SHROOM3: variants seen among roughly 807,000 people sequenced by gnomAD.
The protein encoded by SHROOM3 is shroom family member 3.
SHROOM3 carries 47 observed loss-of-function variants against 138.6 expected under a neutral mutation model. That is an observed-to-expected ratio of 0.34 (90% CI 0.27 to 0.43). The LOEUF (loss-of-function observed/expected upper bound fraction) is 0.43. SHROOM3 is among the 20% of genes least tolerant of loss of function. The pLI is 1.00. For synonymous variants in SHROOM3, 1,062 were observed against 1,063.3 expected (o/e 1.00, Z 0.02); for missense variants, 2,491 against 2,596.5 (o/e 0.96, Z 0.88).
chr4:76,689,436 G>A lies in SHROOM3; in HGVS notation c.324-20720G>A, dbSNP rs373112903. On this transcript the variant is annotated intron_variant, in intron 2 of 10. Coordinates refer to ENST00000296043, the MANE Select transcript of SHROOM3 (RefSeq NM_020859.4). Reference sequence around the variant, plus strand: ...TGGACTGAGCGGGCCCGGGCGGGACGAGAGGTGGGCGAGCGCCCCGCACCC... The same window carrying A: ...TGGACTGAGCGGGCCCGGGCGGGACAAGAGGTGGGCGAGCGCCCCGCACCC... The A allele has an allele frequency of 3.5e-5, 28 of 806,466 alleles. No individual in the cohort carries two copies. In the East Asian group the frequency reaches 1.3e-3, roughly 38 times the overall value. 50.0% of individuals were successfully genotyped at this position (806,466 alleles called of 1,614,324 possible).
At chr4:76,469,611 CA>C (rs1356490787) in intron 1 of SHROOM3, among the ~76,000 whole-genome samples, 1 of 152,146 alleles carries the variant, frequency 6.6e-6, no homozygotes, top group African/African-American at 2.4e-5. Context: ...TGCATGCTGC[CA>C]CACCCAGCTA....
At chr4:76,640,635 T>C (rs1735640548) in intron 2 of SHROOM3, among the ~76,000 whole-genome samples, 1 of 152,256 alleles carries the variant, frequency 6.6e-6, no homozygotes, top group South Asian at 2.1e-4. Context: ...GGGTACATCC[T>C]TTCCAGCTAT....
intron 3 of SHROOM3, among the ~76,000 whole-genome samples, chr4:76,718,292 A>G (rs1205516821): frequency 6.6e-6 from 1 of 152,186 alleles, no homozygotes; most frequent in Non-Finnish European, 1.5e-5. Context: ...CCAAAGTGTC[A>G]GCTTCTGTTT....
At chr4:76,579,206 C>T (rs1472681261) in intron 2 of SHROOM3, among the ~76,000 whole-genome samples, 4 of 151,758 alleles carry the variant, frequency 2.6e-5, no homozygotes, top group Admixed American at 6.6e-5. Flanking sequence ...TGGTGGCTCA[C>T]GCCTGTAATC....
intron 9 of SHROOM3, among the ~76,000 whole-genome samples, chr4:76,767,879 A>G (rs1426126841): frequency 6.6e-6 from 1 of 152,186 alleles, no homozygotes; most frequent in East Asian, 1.9e-4. Flanking sequence ...TCTTTCCACT[A>G]TTTGGTTTTT....
chr4:76,524,336 C>T (rs745790762), intron 1 of SHROOM3, among the ~76,000 whole-genome samples: 5 of 152,060 alleles, frequency 3.3e-5, no homozygotes, highest in Admixed American at 3.3e-4. Flanking sequence ...AGAGGGGAGG[C>T]GTAGGCCTCA....
At chr4:76,560,183 A>G (rs192600493) in intron 2 of SHROOM3, among the ~76,000 whole-genome samples, 4 of 152,338 alleles carry the variant, frequency 2.6e-5, no homozygotes, top group Admixed American at 2.6e-4. Context: ...AGATACGTGT[A>G]AAATAGTTGT....
At chr4:76,527,070 ACT>A (rs1732705809) in intron 1 of SHROOM3, among the ~76,000 whole-genome samples, 1 of 151,142 alleles carries the variant, frequency 6.6e-6, no homozygotes, top group Non-Finnish European at 1.5e-5. Flanking sequence ...TTTCTTTCAC[ACT>A]CTCCCTTTCT....
At chr4:76,549,515 C>T (rs566187558) in intron 1 of SHROOM3, among the ~76,000 whole-genome samples, 7 of 152,132 alleles carry the variant, frequency 4.6e-5, no homozygotes, top group South Asian at 2.1e-4. Flanking sequence ...ATTACAGGTG[C>T]GTGCCACCAT....
intron 9 of SHROOM3, among the ~76,000 whole-genome samples, chr4:76,761,755 G>A (rs529492889): frequency 4.7e-4 from 71 of 152,312 alleles, no homozygotes; most frequent in Non-Finnish European, 9.8e-4. Flanking sequence ...CTTGAGGACT[G>A]AGGAGTTTCG....
At chr4:76,601,566 G>A (rs944544417) in intron 2 of SHROOM3, among the ~76,000 whole-genome samples, 2 of 152,044 alleles carry the variant, frequency 1.3e-5, no homozygotes, top group South Asian at 2.1e-4. Flanking sequence ...GTGCAGTGGC[G>A]TGATCTCAGC....
intron 2 of SHROOM3, among the ~76,000 whole-genome samples, chr4:76,606,171 G>A (rs1419640721): frequency 1.3e-5 from 2 of 149,376 alleles, no homozygotes; most frequent in African/African-American, 4.9e-5. Context: ...CTGCCACCAC[G>A]CCTAGCTAAT....
intron 2 of SHROOM3, among the ~76,000 whole-genome samples, chr4:76,687,207 C>T (rs1237898721): frequency 6.6e-6 from 1 of 152,186 alleles, no homozygotes; most frequent in Non-Finnish European, 1.5e-5. Context: ...TGGCCATGCA[C>T]ACCCTTTCTA....
intron 1 of SHROOM3, among the ~76,000 whole-genome samples, chr4:76,506,186 G>A (rs1732207376): frequency 6.6e-6 from 1 of 151,682 alleles, no homozygotes; most frequent in Admixed American, 6.6e-5. Flanking sequence ...AGAACACATG[G>A]ACACGGGTTG....
intron 2 of SHROOM3, among the ~76,000 whole-genome samples, chr4:76,562,694 C>T (rs1333408066): frequency 6.6e-6 from 1 of 152,220 alleles, no homozygotes; most frequent in Non-Finnish European, 1.5e-5. Flanking sequence ...CACCCCCTCA[C>T]CTGCCTGACT....
chr4:76,657,789 C>A (rs973888368), intron 2 of SHROOM3, among the ~76,000 whole-genome samples: 6 of 152,300 alleles, frequency 3.9e-5, no homozygotes, highest in African/African-American at 1.4e-4. Flanking sequence ...TGTCTCCGGG[C>A]CCAAGTAAGA....
At chr4:76,695,595 G>A (rs4124581) in intron 2 of SHROOM3, among the ~76,000 whole-genome samples, 102,006 of 152,140 alleles carry the variant, frequency 0.67, 35,311 homozygotes, top group East Asian at 0.94. Context: ...TGAAAACGCT[G>A]CTGATTTAAT....
chr4:76,712,918 A>G (rs370415545), intron 3 of SHROOM3, among the ~76,000 whole-genome samples: 3 of 152,352 alleles, frequency 2.0e-5, no homozygotes, highest in Non-Finnish European at 2.9e-5. Context: ...GAACCTGGAC[A>G]GCATGTTGCT....
At chr4:76,759,746 A>G (rs767797136) in intron 9 of SHROOM3, 51 bp downstream of exon 9, 1 of 1,591,186 alleles carries the variant, frequency 6.3e-7, no homozygotes, top group Non-Finnish European at 8.6e-7. Flanking sequence ...AAAAATTGAC[A>G]AGGTCCATGT....
Sources: gnomAD v4.1 joint callset for allele counts (sites outside exome capture counted in the v4.1 genomes callset) on GRCh38, gnomAD v4.1.1 for gene constraint, MANE v1.5 for transcripts, NCBI Gene and HGNC (gene_info 2026-07-23, HGNC 2026-07-21) for gene names.